The following CALN1 variants were observed in gnomAD, a reference collection of about 807,000 sequenced individuals.
CALN1 encodes the protein calcium-binding protein 8.
In CALN1, 17 loss-of-function variants were observed where a neutral mutation model predicts 30.6. That is an observed-to-expected ratio of 0.56 (90% CI 0.38 to 0.83). CALN1 has a LOEUF of 0.83. Among genes scored for constraint, CALN1 ranks in the 40% least tolerant of loss-of-function variants. CALN1 has a pLI of 0.00. For missense variants in CALN1, 291 were observed against 354.9 expected (o/e 0.82, Z 1.45); for synonymous variants, 156 against 131.4 (o/e 1.19, Z -1.28).
chr7:72,226,987 G>A (rs903826681), intron 3 of CALN1, among the ~76,000 whole-genome samples: 1 of 119,920 alleles, frequency 8.3e-6, no homozygotes, highest in African/African-American at 2.9e-5. Flanking sequence ...AGTGAGCTGA[G>A]ATTACACCAC....
rs146196502 is a variant in CALN1, at chr7:72,432,320, G to A, written c.-226+14722C>T. 2.3e-3 allele frequency among the ~76,000 whole-genome samples: 344 copies of A among 152,246 alleles called. 1 individual carries two copies. Among genetic ancestry groups the A allele is most frequent in the African/African-American group, 8.1e-3 (337 of 41,530 alleles). On this transcript the variant is annotated intron_variant, in intron 1 of 6. Transcript: ENST00000395276. ...AGCCTCCCCAGCCATGTGGAACTTT[G>A]AGTCCATTAAACCTCTTTTTCTTTA...
the CALN1 span, among the ~76,000 whole-genome samples, chr7:72,473,926 T>C: frequency 1.4e-5 from 2 of 142,754 alleles, no homozygotes; most frequent in East Asian, 3.9e-4. Context: ...GAGACTCTGT[T>C]TAAAAAAAAA....
At chr7:72,288,366 A>G (rs573907915) in intron 2 of CALN1, among the ~76,000 whole-genome samples, 84 of 152,246 alleles carry the variant, frequency 5.5e-4, no homozygotes, top group Middle Eastern at 3.4e-3. Context: ...ACCCCAAGCA[A>G]GTGATCAAAG....
At chr7:72,323,275 T>TAC (rs1239260662) in intron 2 of CALN1, among the ~76,000 whole-genome samples, 2 of 152,070 alleles carry the variant, frequency 1.3e-5, no homozygotes, top group East Asian at 3.9e-4. Flanking sequence ...GAACCCACGC[T>TAC]ACCAGGCATC....
intron 4 of CALN1, among the ~76,000 whole-genome samples, chr7:72,060,057 G>A (rs754042979): frequency 2.0e-5 from 3 of 152,108 alleles, no homozygotes; most frequent in African/African-American, 4.8e-5. Flanking sequence ...AAAGACCCCG[G>A]GCAGTGGGCA....
At chr7:72,222,555 C>A (rs960062206) in intron 3 of CALN1, among the ~76,000 whole-genome samples, 12 of 152,134 alleles carry the variant, frequency 7.9e-5, no homozygotes, top group South Asian at 2.1e-4. Flanking sequence ...TCCTACCAGG[C>A]CCCCCTCCAA....
chr7:72,314,908 G>A (rs1585455598), intron 2 of CALN1, among the ~76,000 whole-genome samples: 2 of 150,310 alleles, frequency 1.3e-5, no homozygotes, highest in African/African-American at 4.9e-5. Flanking sequence ...AGCACTTTGG[G>A]AGGCCAAGGC....
At chr7:71,903,517 T>C (rs1331857545) in intron 5 of CALN1, among the ~76,000 whole-genome samples, 6 of 152,116 alleles carry the variant, frequency 3.9e-5, no homozygotes, top group Non-Finnish European at 8.8e-5. Context: ...AGACCGAAAT[T>C]AGAACTTTAT....
At chr7:72,220,799 A>G (rs1328301709) in intron 3 of CALN1, among the ~76,000 whole-genome samples, 6 of 152,174 alleles carry the variant, frequency 3.9e-5, no homozygotes, top group Admixed American at 3.3e-4. Flanking sequence ...GCCAGTGATG[A>G]TGAGCATTTT....
intron 5 of CALN1, among the ~76,000 whole-genome samples, chr7:71,866,067 A>C (rs1791569136): frequency 6.6e-6 from 1 of 151,676 alleles, no homozygotes; most frequent in Non-Finnish European, 1.5e-5. Context: ...GTGCAGTGGC[A>C]TGATCTTGGC....
chr7:72,061,767 G>A (rs528493471), intron 4 of CALN1, among the ~76,000 whole-genome samples: 10 of 137,590 alleles, frequency 7.3e-5, no homozygotes, highest in African/African-American at 8.2e-5. Flanking sequence ...GAAATAAAAC[G>A]GCCTGGGCGA....
At chr7:72,201,904 CCTATCTGTTGGCAAGAA>C (rs2129547458) in intron 3 of CALN1, among the ~76,000 whole-genome samples, 1 of 152,254 alleles carries the variant, frequency 6.6e-6, no homozygotes, top group South Asian at 2.1e-4. Flanking sequence ...ACCCACACTC[CCTATCTGTTGGCAAGAA>C]CTACGTCCGG....
chr7:71,874,957 G>A (rs1389659804), intron 5 of CALN1, among the ~76,000 whole-genome samples: 5 of 152,076 alleles, frequency 3.3e-5, no homozygotes, highest in Admixed American at 2.0e-4. Context: ...TTGAGGTCAC[G>A]AGTTCAAGAC....
chr7:72,489,257 A>G, the CALN1 span, among the ~76,000 whole-genome samples: 2,797 of 152,332 alleles, frequency 0.018, 89 homozygotes, highest in African/African-American at 0.062. Context: ...TTGACCAAAA[A>G]GAATCACGAT....
At position 71,950,393 on chromosome 7, in the gene CALN1, C is replaced by T. The variant is rs368273730; in HGVS notation, c.501+73264G>A. The stretch of plus-strand genomic sequence containing the variant: ...GGATCTAGGTCTCCGACAATCACTA[C>T]CACGCATTTTTGGATATTGCAGAGT... On this transcript the variant is annotated intron_variant, in intron 5 of 6. Transcript: ENST00000395275. 8.5e-5 allele frequency among the ~76,000 whole-genome samples: 13 copies of T among 152,294 alleles called. No individual in the cohort carries two copies. The East Asian group carries it at 2.1e-3, about 25-fold the overall frequency.
Position 72,267,510 on chromosome 7 carries a change from T to C in CALN1, c.244+11176A>G, listed in dbSNP as rs1450821573. Among the ~76,000 whole-genome samples, 5 of 152,304 alleles carry C rather than the reference T, an allele frequency of 3.3e-5. No homozygotes were observed. In the East Asian group the frequency reaches 5.8e-4, roughly 18 times the overall value. On this transcript the variant is annotated intron_variant, in intron 3 of 6. Coordinates refer to ENST00000395275, the MANE Select transcript of CALN1 (RefSeq NM_031468.4). Reference sequence around the variant, plus strand: ...ATGTGTCACAGTGGTGGCAGAGATATATGTGATGGTGACATGACGGGTACA... The same window carrying C: ...ATGTGTCACAGTGGTGGCAGAGATACATGTGATGGTGACATGACGGGTACA...
intron 3 of CALN1, among the ~76,000 whole-genome samples, chr7:72,144,457 C>A (rs896144242): frequency 1.3e-5 from 2 of 152,142 alleles, no homozygotes; most frequent in Non-Finnish European, 2.9e-5. Context: ...AATACAGGAG[C>A]ACCCAGATTC....
chr7:72,318,600 G>C (rs570063883), intron 2 of CALN1, among the ~76,000 whole-genome samples: 3 of 151,758 alleles, frequency 2.0e-5, no homozygotes, highest in Non-Finnish European at 4.4e-5. Flanking sequence ...GAGTGCAGTG[G>C]TGTGATCATA....
At chr7:72,484,115 C>A in the CALN1 span, among the ~76,000 whole-genome samples, 1 of 152,080 alleles carries the variant, frequency 6.6e-6, no homozygotes, top group Non-Finnish European at 1.5e-5. Flanking sequence ...ATTGTCAGTT[C>A]TGGGGTGGTT....
Sources: allele counts gnomAD v4.1 joint callset (sites outside exome capture counted in the v4.1 genomes callset), GRCh38; gene constraint gnomAD v4.1.1; transcripts MANE v1.5; gene names NCBI Gene and HGNC (gene_info 2026-07-23, HGNC 2026-07-21).